PARD3: variants seen among roughly 807,000 people sequenced by gnomAD.
PARD3 encodes par-3 family cell polarity regulator.
In PARD3, 75 loss-of-function variants were observed where a neutral mutation model predicts 155.4. The ratio of observed to expected loss-of-function variants is 0.48; its 90% confidence interval spans 0.40 to 0.58. The LOEUF is 0.58. PARD3 is among the 20% of genes least tolerant of loss of function. The pLI is 0.00. For missense variants in PARD3, 1,642 were observed against 1,721.7 expected (o/e 0.95, Z 0.82); for synonymous variants, 576 against 610.5 (o/e 0.94, Z 0.83).
intron 2 of PARD3, among the ~76,000 whole-genome samples, chr10:34,544,228 T>C (rs1444739039): frequency 6.6e-6 from 1 of 152,214 alleles, no homozygotes; most frequent in Non-Finnish European, 1.5e-5. Flanking sequence ...ACATAAGTAG[T>C]GTCCACATTC....
intron 2 of PARD3, among the ~76,000 whole-genome samples, chr10:34,634,665 C>T (rs1326555180): frequency 2.0e-5 from 3 of 152,026 alleles, no homozygotes; most frequent in African/African-American, 7.3e-5. Flanking sequence ...AAAGAAACAA[C>T]TGAAAACAAA....
intron 2 of PARD3, among the ~76,000 whole-genome samples, chr10:34,579,595 T>TATGTGTGTGTGTGTGTG (rs1590094034): frequency 6.6e-6 from 1 of 150,726 alleles, no homozygotes; most frequent in East Asian, 1.9e-4. Flanking sequence ...TGTGTGTGTG[T>TATGTGTGTGTGTGTGTG]TTTGACACGG....
intron 22 of PARD3, among the ~76,000 whole-genome samples, chr10:34,205,957 G>A (rs1951456894): frequency 1.3e-5 from 2 of 152,162 alleles, no homozygotes; most frequent in Admixed American, 1.3e-4. Flanking sequence ...CTGATGTTGG[G>A]AGGAGGGGCA....
chr10:34,490,710 C>T lies in PARD3; in HGVS notation c.404-20447G>A, dbSNP rs181228521. ...CTAACTCTTTCTTACATATACTGTT[C>T]CTATACTAACCTCAACAAAAAGTGG... On this transcript the variant is annotated intron_variant, in intron 3 of 24. Transcript: ENST00000374788. Among the ~76,000 whole-genome samples, 7 of 152,272 alleles carry T rather than the reference C, an allele frequency of 4.6e-5. No individual in the cohort carries two copies. The East Asian group carries it at 1.4e-3, about 29-fold the overall frequency.
chr10:34,632,370 C>T (rs987601470), intron 2 of PARD3, among the ~76,000 whole-genome samples: 3 of 152,202 alleles, frequency 2.0e-5, no homozygotes, highest in Admixed American at 6.5e-5. Context: ...CCATCCTCTG[C>T]GCTAAGGAGG....
intron 5 of PARD3, among the ~76,000 whole-genome samples, chr10:34,410,621 T>C (rs1193474807): frequency 6.6e-6 from 1 of 152,238 alleles, no homozygotes; most frequent in African/African-American, 2.4e-5. Context: ...AGCCAATTGA[T>C]ATCATTACCA....
At chr10:34,509,953 T>C (rs2081305982) in intron 3 of PARD3, among the ~76,000 whole-genome samples, 1 of 152,210 alleles carries the variant, frequency 6.6e-6, no homozygotes, top group Non-Finnish European at 1.5e-5. Context: ...ACTCAACTAG[T>C]TTCTAGATCC....
intron 14 of PARD3, among the ~76,000 whole-genome samples, chr10:34,356,041 G>A (rs1227758549): frequency 1.3e-5 from 2 of 151,636 alleles, no homozygotes; most frequent in Non-Finnish European, 2.9e-5. Context: ...GGAACCCTTA[G>A]AGAAGACCCG....
At chr10:34,201,806 A>G (rs917562203) in intron 22 of PARD3, among the ~76,000 whole-genome samples, 1 of 152,228 alleles carries the variant, frequency 6.6e-6, no homozygotes. Flanking sequence ...TAAAGGGAAG[A>G]AACGTCGTTC....
intron 2 of PARD3, among the ~76,000 whole-genome samples, chr10:34,641,736 A>G (rs546254720): frequency 6.6e-6 from 1 of 152,106 alleles, no homozygotes; most frequent in African/African-American, 2.4e-5. Flanking sequence ...GCCTGCCCCC[A>G]TTCGTGAAAT....
At chr10:34,785,822 G>A (rs112606784) in intron 1 of PARD3, among the ~76,000 whole-genome samples, 4 of 152,180 alleles carry the variant, frequency 2.6e-5, no homozygotes, top group Admixed American at 1.3e-4. Flanking sequence ...TTCACTCCAC[G>A]TAACATTCCA....
chr10:34,808,957 G>A (rs1259444049), intron 1 of PARD3, among the ~76,000 whole-genome samples: 1 of 152,148 alleles, frequency 6.6e-6, no homozygotes, highest in Admixed American at 6.5e-5. Flanking sequence ...TGTGTTCCAG[G>A]GCCAGATTCT....
intron 19 of PARD3, 22 bp downstream of exon 19, chr10:34,331,095 C>T: frequency 1.3e-6 from 2 of 1,567,978 alleles, no homozygotes; most frequent in Non-Finnish European, 1.8e-6. Flanking sequence ...AATTATTATT[C>T]TTTCAGCCAT....
intron 21 of PARD3, among the ~76,000 whole-genome samples, chr10:34,279,976 A>C (rs1460927445): frequency 1.3e-5 from 2 of 152,344 alleles, no homozygotes; most frequent in Middle Eastern, 3.4e-3. Flanking sequence ...AATGTTCCCA[A>C]GCACAACTTA....
At chr10:34,269,924 A>G in intron 21 of PARD3, 25 bp from the exon 22 acceptor site, 2 of 1,608,224 alleles carry the variant, frequency 1.2e-6, no homozygotes, top group Non-Finnish European at 1.7e-6. Context: ...CAAAGTTGAA[A>G]TAAGAGAAAC....
At chr10:34,696,477 A>C in intron 1 of PARD3, 58 bp from the exon 2 acceptor site, 1 of 1,050,430 alleles carries the variant, frequency 9.5e-7, no homozygotes, top group Non-Finnish European at 1.5e-6. Context: ...AAAGGGAATT[A>C]GACATTTTAA....
chr10:34,413,102 T>G (rs906907907), intron 5 of PARD3, among the ~76,000 whole-genome samples: 1 of 149,212 alleles, frequency 6.7e-6, no homozygotes, highest in African/African-American at 2.5e-5. Flanking sequence ...TAACAGAAAT[T>G]TTCTCTCTTG....
chr10:34,436,840 T>G (rs1227435279), intron 5 of PARD3, among the ~76,000 whole-genome samples: 2 of 151,980 alleles, frequency 1.3e-5, no homozygotes, highest in Non-Finnish European at 2.9e-5. Flanking sequence ...CACAGGATAC[T>G]GTAGTAGTAT....
chr10:34,763,091 T>C (rs1344830338), intron 1 of PARD3, among the ~76,000 whole-genome samples: 2 of 152,192 alleles, frequency 1.3e-5, no homozygotes, highest in African/African-American at 4.8e-5. Context: ...TTTGGAAATT[T>C]TGTTGTCACA....
Sources: allele counts gnomAD v4.1 joint callset (sites outside exome capture counted in the v4.1 genomes callset), GRCh38; gene constraint gnomAD v4.1.1; transcripts MANE v1.5; gene names NCBI Gene and HGNC (gene_info 2026-07-23, HGNC 2026-07-21).